Variants in LIN28B observed in about 807,000 individuals in gnomAD.
LIN28B encodes the protein protein lin-28 homolog B.
A neutral mutation model predicts 21.9 loss-of-function variants in LIN28B; 5 were observed. The ratio of observed to expected loss-of-function variants is 0.23; its 90% CI spans 0.12 to 0.48. The LOEUF is 0.48. Among genes scored for constraint, LIN28B ranks in the 20% least tolerant of loss-of-function variants. The probability of loss-of-function intolerance (pLI) is 0.98; values close to 1 mark genes in which losing one functional copy is unlikely to be tolerated. For missense variants in LIN28B, 245 were observed against 310.5 expected, an observed-to-expected ratio of 0.79 and a Z score of 1.58; for synonymous variants, 109 against 111.3, an observed-to-expected ratio of 0.98 and a Z score of 0.13.
intron 2 of LIN28B, among the ~76,000 whole-genome samples, chr6:105,009,997 A>G (rs186811009): frequency 2.6e-4 from 40 of 152,266 alleles, no homozygotes; most frequent in Non-Finnish European, 4.9e-4. Flanking sequence ...TTCCAATTAC[A>G]TGAACAATAT....
chr6:105,022,882 C>T (rs1423873961), intron 2 of LIN28B, among the ~76,000 whole-genome samples: 1 of 151,622 alleles, frequency 6.6e-6, no homozygotes, highest in Non-Finnish European at 1.5e-5. Context: ...TAGTTAAGAC[C>T]TGAAGTAGGG....
At chr6:105,031,169 G>T (rs1410974314) in intron 3 of LIN28B, among the ~76,000 whole-genome samples, 1 of 151,768 alleles carries the variant, frequency 6.6e-6, no homozygotes, top group Admixed American at 6.6e-5. Context: ...ATATTAGTCT[G>T]AACCATGGAT....
At chr6:105,024,332 A>G (rs780843863) in intron 2 of LIN28B, among the ~76,000 whole-genome samples, 4 of 152,276 alleles carry the variant, frequency 2.6e-5, no homozygotes, top group South Asian at 2.1e-4. Context: ...ACATATGAAC[A>G]TATGATAGCT....
rs541339151 is a variant in LIN28B at position 104,964,306 on chromosome 6, G to A, written c.198+6020G>A. ...GCCTCCCTAATAGCTGTGACTACAG[G>A]CATGCACCACTGTGTCCAGCTTGAT... is the stretch of plus-strand genomic sequence containing the variant. On this transcript the variant is annotated intron_variant, in intron 2 of 3. Transcript: ENST00000345080. 5.9e-5 allele frequency among the ~76,000 whole-genome samples: 9 copies of A among 152,232 alleles called. No homozygotes were observed. In the East Asian group the frequency reaches 1.7e-3, roughly 29 times the overall value.
chr6:105,063,647 GGAA>G (rs1479957922), intron 3 of LIN28B, among the ~76,000 whole-genome samples: 9 of 117,970 alleles, frequency 7.6e-5, no homozygotes, highest in African/African-American at 3.8e-4. Flanking sequence ...GGGGGGGGGG[GGAA>G]AAAAAGGTAA....
Position 105,079,014 on chromosome 6 carries a change from G to T in LIN28B, c.*231G>T. ...ACTATGTCTGTCAATATGTGCATGT[G>T]TGAGAGGGAGAGAGCCTGAGTCTGT... is the stretch of plus-strand genomic sequence containing the variant. On this transcript the variant is annotated 3_prime_UTR_variant, in exon 4 of 4. Transcript: ENST00000345080. The T allele has an allele frequency of 4.2e-6, 2 of 473,754 alleles. No homozygotes were observed. The highest frequency in any genetic ancestry group is 7.5e-6 in the Non-Finnish European group (2 of 266,600). 29.3% of individuals were successfully genotyped at this position (473,754 alleles called of 1,614,324 possible). A position where few individuals can be genotyped will look rare whatever the true frequency, so the allele number is the denominator to read the frequency against.
intron 2 of LIN28B, among the ~76,000 whole-genome samples, chr6:104,994,605 G>A (rs1478066673): frequency 6.6e-6 from 1 of 152,164 alleles, no homozygotes; most frequent in East Asian, 1.9e-4. Flanking sequence ...ATTTGTCAGG[G>A]TGTTAAAAAT....
intron 3 of LIN28B, among the ~76,000 whole-genome samples, chr6:105,060,894 GAAAGTAGT>G (rs1422294804): frequency 2.6e-5 from 4 of 152,186 alleles, no homozygotes; most frequent in African/African-American, 9.6e-5. Flanking sequence ...TCAGAGTAAA[GAAAGTAGT>G]TTGTATATAG....
intron 3 of LIN28B, among the ~76,000 whole-genome samples, chr6:105,050,028 T>A (rs221610): frequency 0.79 from 120,762 of 151,992 alleles, 48,522 homozygotes; most frequent in Non-Finnish European, 0.86. Context: ...TTATGTGTGG[T>A]TTTGATCCTG....
chr6:105,062,869 TTGA>T (rs1158823943), intron 3 of LIN28B, among the ~76,000 whole-genome samples: 2 of 152,176 alleles, frequency 1.3e-5, no homozygotes, highest in Non-Finnish European at 2.9e-5. Flanking sequence ...ATCAATTTGA[TTGA>T]TTTTTTTCAT....
At chr6:105,077,727 C>T (rs1007525991) in intron 3 of LIN28B, among the ~76,000 whole-genome samples, 1 of 152,128 alleles carries the variant, frequency 6.6e-6, no homozygotes, top group Non-Finnish European at 1.5e-5. Flanking sequence ...TAGAAGCTTT[C>T]TTTTTTTAGC....
At chr6:104,994,652 A>G (rs2114277549) in intron 2 of LIN28B, among the ~76,000 whole-genome samples, 1 of 152,350 alleles carries the variant, frequency 6.6e-6, no homozygotes, top group Non-Finnish European at 1.5e-5. Flanking sequence ...GAGCCTTGTA[A>G]GAGAAGGGTC....
intron 3 of LIN28B, among the ~76,000 whole-genome samples, chr6:105,038,312 G>A (rs570587471): frequency 6.6e-6 from 1 of 152,238 alleles, no homozygotes; most frequent in South Asian, 2.1e-4. Flanking sequence ...GAGCTTGCAG[G>A]GAATTCCAAA....
At chr6:105,035,914 G>A (rs1771511577) in intron 3 of LIN28B, among the ~76,000 whole-genome samples, 1 of 152,134 alleles carries the variant, frequency 6.6e-6, no homozygotes, top group African/African-American at 2.4e-5. Flanking sequence ...GTAATATGAA[G>A]TGACTGAGGA....
chr6:104,960,074 T>C (rs1769698483), intron 2 of LIN28B, among the ~76,000 whole-genome samples: 1 of 152,208 alleles, frequency 6.6e-6, no homozygotes, highest in Non-Finnish European at 1.5e-5. Flanking sequence ...TTTTTAAATA[T>C]ATAGCTGTTT....
chr6:104,946,881 T>C (rs1056391841), intron 2 of LIN28B, among the ~76,000 whole-genome samples: 7 of 152,270 alleles, frequency 4.6e-5, no homozygotes, highest in East Asian at 1.9e-4. Context: ...ATCTGAAGTA[T>C]TTTTTAAAAT....
intron 2 of LIN28B, among the ~76,000 whole-genome samples, chr6:104,962,313 C>T (rs1769763635): frequency 6.6e-6 from 1 of 151,968 alleles, no homozygotes; most frequent in African/African-American, 2.4e-5. Context: ...GCTACCATTA[C>T]TCAGTAGGCC....
chr6:104,954,755 C>T (rs2114559420), upstream of LIN28B, among the ~76,000 whole-genome samples: 1 of 152,306 alleles, frequency 6.6e-6, no homozygotes, highest in Non-Finnish European at 1.5e-5. Flanking sequence ...GGCCCCCAAT[C>T]AGGCAAGACT....
intron 2 of LIN28B, among the ~76,000 whole-genome samples, chr6:105,016,103 G>A (rs1406888975): frequency 3.9e-5 from 6 of 152,106 alleles, no homozygotes; most frequent in Admixed American, 3.9e-4. Context: ...AATTTCTTCA[G>A]CCATCATCTA....
Sources: gnomAD v4.1 joint callset for allele counts (sites outside exome capture counted in the v4.1 genomes callset) on GRCh38, gnomAD v4.1.1 for gene constraint, MANE v1.5 for transcripts, NCBI Gene and HGNC (gene_info 2026-07-23, HGNC 2026-07-21) for gene names.